Variants in COL19A1 observed in about 807,000 individuals in gnomAD.
COL19A1 encodes the protein collagen alpha-1(XIX) chain.
COL19A1 carries 159 observed loss-of-function variants against 190.2 expected under a neutral mutation model. The observed-to-expected ratio is 0.84, with a 90% CI of 0.73 to 0.95. The LOEUF is 0.95. Ranked by LOEUF, COL19A1 falls within the 40% of genes least tolerant of loss-of-function variation. COL19A1 has a pLI of 0.00. For missense variants in COL19A1, 1,418 were observed against 1,431.9 expected, an observed-to-expected ratio of 0.99 and a Z score of 0.16; for synonymous variants, 509 against 458.9, an observed-to-expected ratio of 1.11 and a Z score of -1.39.
chr6:69,974,466 A>G (rs999994531), intron 11 of COL19A1, among the ~76,000 whole-genome samples: 3 of 152,210 alleles, frequency 2.0e-5, no homozygotes, highest in Admixed American at 6.5e-5. Flanking sequence ...CAAATGAATC[A>G]TGCAGTTCAT....
At chr6:70,074,464 A>T (rs1370767028) in intron 15 of COL19A1, among the ~76,000 whole-genome samples, 1 of 140,732 alleles carries the variant, frequency 7.1e-6, no homozygotes, top group African/African-American at 2.7e-5. Context: ...GTGCCACTAT[A>T]CTCCAGCCTG....
At chr6:70,161,599 A>C (rs933342561) in intron 34 of COL19A1, among the ~76,000 whole-genome samples, 6 of 152,162 alleles carry the variant, frequency 3.9e-5, no homozygotes, top group African/African-American at 7.2e-5. Context: ...GGTGTGAAGG[A>C]TGAAAAACTA....
chr6:70,166,297 C>T (rs1765153245), intron 37 of COL19A1, among the ~76,000 whole-genome samples: 1 of 152,162 alleles, frequency 6.6e-6, no homozygotes, highest in Non-Finnish European at 1.5e-5. Flanking sequence ...TAATGTGCTT[C>T]ATTCACAGAA....
intron 17 of COL19A1, among the ~76,000 whole-genome samples, chr6:70,123,033 C>T (rs1006533308): frequency 6.6e-6 from 1 of 152,074 alleles, no homozygotes; most frequent in Non-Finnish European, 1.5e-5. Context: ...TTATTAAACA[C>T]TTCTTTAATT....
At chr6:70,193,467 G>T (rs1767004093) in intron 48 of COL19A1, among the ~76,000 whole-genome samples, 1 of 152,076 alleles carries the variant, frequency 6.6e-6, no homozygotes, top group South Asian at 2.1e-4. Context: ...GCTGACAGGT[G>T]CAGAGTCCTC....
chr6:69,996,916 T>TGTGTG (rs1776935319), intron 11 of COL19A1, among the ~76,000 whole-genome samples: 1 of 146,024 alleles, frequency 6.8e-6, no homozygotes, highest in African/African-American at 2.5e-5. Context: ...TCAAAAAGAC[T>TGTGTG]TGTGTGTGTG....
chr6:70,082,596 G>A (rs1371801263), intron 15 of COL19A1, among the ~76,000 whole-genome samples: 2 of 152,054 alleles, frequency 1.3e-5, no homozygotes, highest in East Asian at 1.9e-4. Flanking sequence ...ATTTTTAGTA[G>A]AGACGGGTTT....
intron 49 of COL19A1, among the ~76,000 whole-genome samples, chr6:70,201,638 T>C (rs1440228936): frequency 6.6e-6 from 1 of 152,232 alleles, no homozygotes; most frequent in Non-Finnish European, 1.5e-5. Flanking sequence ...ACTTAGTATA[T>C]GTCTCCTTAA....
At chr6:69,872,845 G>T (rs1355612668) in intron 1 of COL19A1, among the ~76,000 whole-genome samples, 1 of 152,192 alleles carries the variant, frequency 6.6e-6, no homozygotes, top group Non-Finnish European at 1.5e-5. Flanking sequence ...TTGGTGCTTT[G>T]TAGCACTGGG....
At chr6:70,163,194 G>C (rs987150990) in intron 35 of COL19A1, 149 bp from the exon 36 acceptor site, 6 of 702,028 alleles carry the variant, frequency 8.5e-6, no homozygotes, top group African/African-American at 7.2e-5. Flanking sequence ...TACAGCTGCT[G>C]TATCAGCCAG....
chr6:69,999,223 T>A (rs1429494939), intron 11 of COL19A1, among the ~76,000 whole-genome samples: 1 of 149,042 alleles, frequency 6.7e-6, no homozygotes, highest in East Asian at 2.1e-4. Context: ...ATGCCCGGCC[T>A]TCTTTTTTAA....
intron 13 of COL19A1, 89 bp from the exon 14 acceptor site, chr6:70,035,815 T>C (rs1779322190): frequency 3.9e-6 from 4 of 1,022,764 alleles, no homozygotes; most frequent in Non-Finnish European, 6.0e-6. Flanking sequence ...GATTTATCTC[T>C]ATATATTGCT....
chr6:69,904,813 C>T (rs557852297), intron 4 of COL19A1, among the ~76,000 whole-genome samples: 3 of 152,328 alleles, frequency 2.0e-5, no homozygotes, highest in South Asian at 2.1e-4. Context: ...GGTCCCTCAC[C>T]CCCGGTTCTG....
chr6:70,027,765 T>A (rs1778807154), intron 12 of COL19A1, among the ~76,000 whole-genome samples: 1 of 151,810 alleles, frequency 6.6e-6, no homozygotes, highest in Non-Finnish European at 1.5e-5. Context: ...CACAATCTAG[T>A]GTATAATTAA....
chr6:70,124,372 A>G (rs1785070380), intron 17 of COL19A1, among the ~76,000 whole-genome samples: 1 of 152,184 alleles, frequency 6.6e-6, no homozygotes, highest in Non-Finnish European at 1.5e-5. Context: ...TTAGCTACTT[A>G]AATATTTGCT....
intron 15 of COL19A1, among the ~76,000 whole-genome samples, chr6:70,071,697 T>C (rs1016170312): frequency 2.0e-5 from 3 of 152,048 alleles, no homozygotes; most frequent in Admixed American, 1.3e-4. Flanking sequence ...GATCCTAAGC[T>C]ACAGATGAGA....
intron 12 of COL19A1, among the ~76,000 whole-genome samples, chr6:70,025,355 T>C (rs929184423): frequency 6.6e-6 from 1 of 152,208 alleles, no homozygotes; most frequent in Non-Finnish European, 1.5e-5. Context: ...CTAAAGCCCC[T>C]ATCGCTATTA....
At chr6:69,894,189 T>C (rs950436147) in intron 2 of COL19A1, among the ~76,000 whole-genome samples, 1 of 152,228 alleles carries the variant, frequency 6.6e-6, no homozygotes, top group Non-Finnish European at 1.5e-5. Flanking sequence ...TTGACTCTTT[T>C]CATCGACAGT....
intron 18 of COL19A1, among the ~76,000 whole-genome samples, chr6:70,131,449 A>G (rs1015311711): frequency 6.6e-6 from 1 of 152,222 alleles, no homozygotes; most frequent in Non-Finnish European, 1.5e-5. Flanking sequence ...GATGATTGAA[A>G]ATGAAATTTT....
Sources: gnomAD v4.1 joint callset for allele counts (sites outside exome capture counted in the v4.1 genomes callset) on GRCh38, gnomAD v4.1.1 for gene constraint, MANE v1.5 for transcripts, NCBI Gene and HGNC (gene_info 2026-07-23, HGNC 2026-07-21) for gene names.